CECR2: variants seen among roughly 807,000 people sequenced by gnomAD.
CECR2 encodes chromatin remodeling regulator CECR2.
A neutral mutation model predicts 154.5 loss-of-function variants in CECR2; 30 were observed. That is an observed-to-expected ratio of 0.19 (90% confidence interval 0.15 to 0.26). The LOEUF is 0.26. CECR2 is among the 10% of genes least tolerant of loss of function. The pLI is 1.00. For synonymous variants in CECR2, 725 were observed against 683.7 expected, an observed-to-expected ratio of 1.06 and a Z score of -0.94; for missense variants, 1,743 against 1,829.3, an observed-to-expected ratio of 0.95 and a Z score of 0.86.
chr22:17,535,325 A>G (rs545038903), intron 9 of CECR2, among the ~76,000 whole-genome samples: 1 of 152,126 alleles, frequency 6.6e-6, no homozygotes, highest in African/African-American at 2.4e-5. Context: ...CTCAAAAAAA[A>G]AAAAATTCTG....
chr22:17,543,820 A>T (rs1441223800), intron 16 of CECR2, among the ~76,000 whole-genome samples: 1 of 152,096 alleles, frequency 6.6e-6, no homozygotes, highest in Non-Finnish European at 1.5e-5. Context: ...TGGCCTCCCA[A>T]AGTGCTAGGA....
intron 18 of CECR2, 61 bp from the exon 19 acceptor site, chr22:17,552,774 G>GTTTTTGTTTTTTTTTTTT (rs2056727657): frequency 2.1e-6 from 2 of 933,470 alleles, no homozygotes; most frequent in South Asian, 1.6e-5. Context: ...GCTTACTTAA[G>GTTTTTGTTTTTTTTTTTT]TTTTTTTTTT....
rs117415949 is a variant in CECR2 at position 17,487,006 on chromosome 22, G to C, written c.221+9324G>C. Reference sequence around the variant, plus strand: ...CTGCTGGTCCAGGACTTCGCTGGAAGGTCACTAATCTAAGGCATTGCTCAC... The same window carrying C: ...CTGCTGGTCCAGGACTTCGCTGGAACGTCACTAATCTAAGGCATTGCTCAC... On this transcript the variant is annotated intron_variant, in intron 2 of 18. Coordinates refer to ENST00000262608, the MANE Select transcript of CECR2 (RefSeq NM_001290047.2). Among the ~76,000 whole-genome samples the C allele has an allele frequency of 3.5e-3, 536 of 152,274 alleles. 4 individuals are homozygous for C. The highest frequency in any genetic ancestry group is 6.8e-3 in the Middle Eastern group (2 of 294).
intron 9 of CECR2, 131 bp downstream of exon 9, chr22:17,524,402 T>TC: frequency 8.7e-7 from 1 of 1,143,078 alleles, no homozygotes; most frequent in South Asian, 1.5e-5. Flanking sequence ...TTTTTTTTTT[T>TC]TTTTTTTTGA....
chr22:17,552,900 G>C lies in CECR2; in HGVS notation c.*60G>C. The C allele has an allele frequency of 6.5e-7, 1 of 1,541,408 alleles. No individual in the cohort carries two copies. The highest frequency in any genetic ancestry group is 8.7e-7 in the Non-Finnish European group (1 of 1,143,428). ...CTGCACACGAAGACTGGAATGTGGA[G>C]AACTGGGGAGTGCCCTGTCAGCTCT... On this transcript the variant is annotated 3_prime_UTR_variant, in exon 19 of 19. Transcript: ENST00000262608.
At chr22:17,420,874 A>G (rs2054235135) in intron 1 of CECR2, among the ~76,000 whole-genome samples, 1 of 152,196 alleles carries the variant, frequency 6.6e-6, no homozygotes, top group South Asian at 2.1e-4. Context: ...GTGGAGAGGA[A>G]GGTACAGAGA....
intron 5 of CECR2, 62 bp downstream of exon 5, chr22:17,500,797 T>A: frequency 8.4e-7 from 1 of 1,188,162 alleles, no homozygotes; most frequent in Non-Finnish European, 1.2e-6. Flanking sequence ...ATTCATTTAT[T>A]CCTTTTTCTT....
rs1424411973 is a variant in CECR2 at position 17,524,387 on chromosome 22, C to CTTTCT, written c.1108+119_1108+120insCTTTT. 4 of 392,366 alleles carry CTTTCT rather than the reference C, an allele frequency of 1.0e-5. No individual in the cohort carries two copies. In the African/African-American group the frequency reaches 1.2e-4, roughly 12 times the overall value. The allele number at this position is 392,366 out of a possible 1,614,324, so 24.3% of individuals were successfully genotyped here. ...GCATCCAAGTTGTTTCCGGCAATTT[C>CTTTCT]TTTTTTTTTTTTTTTTTTTTTTTGA... On this transcript the variant is annotated intron_variant, in intron 9 of 18. Transcript: ENST00000262608.
intron 1 of CECR2, among the ~76,000 whole-genome samples, chr22:17,468,608 G>T (rs1480557219): frequency 6.6e-6 from 1 of 152,082 alleles, no homozygotes; most frequent in East Asian, 1.9e-4. Context: ...AACCTGGGAG[G>T]TCTAGGCTGC....
At chr22:17,372,316 T>C (rs1184821242) in intron 1 of CECR2, among the ~76,000 whole-genome samples, 1 of 152,220 alleles carries the variant, frequency 6.6e-6, no homozygotes, top group Non-Finnish European at 1.5e-5. Context: ...TTAGTAGTTA[T>C]CAAAAATTAG....
chr22:17,410,517 G>A (rs958884370), intron 1 of CECR2, among the ~76,000 whole-genome samples: 15 of 151,772 alleles, frequency 9.9e-5, no homozygotes, highest in Admixed American at 3.9e-4. Context: ...GTGCAGTCTC[G>A]GCTCACTGCA....
At chr22:17,525,344 G>GA (rs1185555865) in intron 9 of CECR2, among the ~76,000 whole-genome samples, 8 of 96,670 alleles carry the variant, frequency 8.3e-5, no homozygotes. Context: ...GAAAAGAAAA[G>GA]AAAGAAAGAA....
intron 1 of CECR2, among the ~76,000 whole-genome samples, chr22:17,392,078 C>T (rs199915479): frequency 6.6e-6 from 1 of 152,062 alleles, no homozygotes; most frequent in Non-Finnish European, 1.5e-5. Context: ...CCAAAGTGCT[C>T]GGATTACAAG....
chr22:17,386,150 A>T (rs1328092330), intron 1 of CECR2, among the ~76,000 whole-genome samples: 1 of 152,196 alleles, frequency 6.6e-6, no homozygotes, highest in African/African-American at 2.4e-5. Context: ...TTGCTGAATG[A>T]TGCAGAGAAG....
chr22:17,465,554 G>A (rs767910825), intron 1 of CECR2, among the ~76,000 whole-genome samples: 2 of 151,774 alleles, frequency 1.3e-5, no homozygotes, highest in South Asian at 2.1e-4. Flanking sequence ...GTGCATTCTT[G>A]GCTCACTGCA....
At position 17,499,390 on chromosome 22, in the gene CECR2, C is replaced by T. The variant is rs779804126; in HGVS notation, c.406-20C>T. The T allele has an allele frequency of 3.1e-5, 50 of 1,597,554 alleles. No homozygotes were observed. The highest frequency in any genetic ancestry group is 3.3e-5 in the Non-Finnish European group (39 of 1,175,240). ...TTTTGTTCCCCATTTCCCCAAACCC[C>T]TTTTCCGTGCTCTGTGTAGGGCCTG... On this transcript the variant is annotated intron_variant, in intron 3 of 18. Transcript: ENST00000262608.
chr22:17,436,547 C>T (rs1445049129), intron 1 of CECR2, among the ~76,000 whole-genome samples: 1 of 152,210 alleles, frequency 6.6e-6, no homozygotes, highest in East Asian at 1.9e-4. Context: ...CTGTGGGAAA[C>T]TGCTTTTGTA....
At chr22:17,452,099 G>A (rs1045862697) in intron 1 of CECR2, among the ~76,000 whole-genome samples, 11 of 152,112 alleles carry the variant, frequency 7.2e-5, no homozygotes, top group Non-Finnish European at 1.3e-4. Context: ...TTGAGACAGG[G>A]TCTGGCTCTT....
At chr22:17,470,427 A>G (rs910721280) in intron 1 of CECR2, among the ~76,000 whole-genome samples, 4 of 151,230 alleles carry the variant, frequency 2.6e-5, no homozygotes, top group East Asian at 1.9e-4. Flanking sequence ...AATTCTGTCT[A>G]TGCACATTTT....
Sources: gnomAD v4.1 joint callset for allele counts (sites outside exome capture counted in the v4.1 genomes callset) on GRCh38, gnomAD v4.1.1 for gene constraint, MANE v1.5 for transcripts, NCBI Gene and HGNC (gene_info 2026-07-23, HGNC 2026-07-21) for gene names.